The following VWA8 variants were observed in gnomAD, a reference collection of about 807,000 sequenced individuals.
VWA8 encodes the protein von Willebrand factor A domain-containing protein 8.
Under a neutral mutation model 241.5 loss-of-function variants are expected in VWA8, and 221 were observed. The ratio of observed to expected loss-of-function variants is 0.91; its 90% CI spans 0.82 to 1.02. The LOEUF is 1.02. Among genes scored for constraint, VWA8 ranks in the 50% least tolerant of loss-of-function variants. The pLI is 0.00. For missense variants in VWA8, 2,322 were observed against 2,328.7 expected, an observed-to-expected ratio of 1.00 and a Z score of 0.06; for synonymous variants, 852 against 827.1, an observed-to-expected ratio of 1.03 and a Z score of -0.52.
intron 17 of VWA8, among the ~76,000 whole-genome samples, chr13:41,790,510 C>G (rs1869409536): frequency 6.6e-6 from 1 of 151,952 alleles, no homozygotes; most frequent in Non-Finnish European, 1.5e-5. Flanking sequence ...ACTTCAATAT[C>G]AGAAACAGTT....
intron 41 of VWA8, among the ~76,000 whole-genome samples, chr13:41,588,557 C>CAAA (rs1566378168): frequency 6.6e-6 from 1 of 151,732 alleles, no homozygotes; most frequent in Admixed American, 6.6e-5. Flanking sequence ...CTCATCTCTA[C>CAAA]AAAAAAATAC....
At chr13:41,892,134 C>G (rs555743724) in intron 4 of VWA8, among the ~76,000 whole-genome samples, 1 of 152,124 alleles carries the variant, frequency 6.6e-6, no homozygotes, top group South Asian at 2.1e-4. Flanking sequence ...TTTACATTGG[C>G]CAATAGCAGA....
chr13:41,790,591 G>A (rs1301839710), intron 17 of VWA8, among the ~76,000 whole-genome samples: 1 of 151,908 alleles, frequency 6.6e-6, no homozygotes, highest in Non-Finnish European at 1.5e-5. Context: ...GCATAGAATT[G>A]AATTTTGAGG....
intron 22 of VWA8, 96 bp downstream of exon 22, chr13:41,731,983 TA>T: frequency 9.8e-7 from 1 of 1,015,514 alleles, no homozygotes; most frequent in Non-Finnish European, 1.5e-6. Context: ...GAAAACAGAC[TA>T]ATACGTAATC....
intron 17 of VWA8, among the ~76,000 whole-genome samples, chr13:41,796,657 C>T (rs976493284): frequency 1.3e-5 from 2 of 151,962 alleles, no homozygotes; most frequent in Admixed American, 1.3e-4. Context: ...TGAATTTATG[C>T]CGTTAACTTC....
intron 4 of VWA8, among the ~76,000 whole-genome samples, chr13:41,897,041 T>C (rs1363597828): frequency 6.6e-6 from 1 of 152,194 alleles, no homozygotes; most frequent in Non-Finnish European, 1.5e-5. Flanking sequence ...TAATTCAATA[T>C]GATGGACTTC....
At chr13:41,697,040 T>C (rs984300302) in intron 29 of VWA8, among the ~76,000 whole-genome samples, 1 of 152,230 alleles carries the variant, frequency 6.6e-6, no homozygotes, top group African/African-American at 2.4e-5. Context: ...GGATATTTAA[T>C]AGACATCTCA....
At chr13:41,787,621 C>CAT (rs1407789030) in intron 17 of VWA8, 78 bp from the exon 18 acceptor site, 4 of 774,964 alleles carry the variant, frequency 5.2e-6, no homozygotes, top group Non-Finnish European at 9.0e-6. Flanking sequence ...CACACACACA[C>CAT]ACACACACAC....
chr13:41,828,725 A>C (rs1252020914), intron 14 of VWA8, among the ~76,000 whole-genome samples: 1 of 152,168 alleles, frequency 6.6e-6, no homozygotes, highest in African/African-American at 2.4e-5. Flanking sequence ...TTATCCCTTA[A>C]GTATCTCAAC....
chr13:41,571,333 CCT>C (rs1491314814), intron 43 of VWA8, among the ~76,000 whole-genome samples: 2 of 141,736 alleles, frequency 1.4e-5, no homozygotes, highest in Non-Finnish European at 3.0e-5. Context: ...CTCCCGTCTC[CCT>C]CTCCCTCTCC....
At chr13:41,704,260 T>C (rs189767604) in intron 26 of VWA8, among the ~76,000 whole-genome samples, 17 of 152,254 alleles carry the variant, frequency 1.1e-4, no homozygotes, top group African/African-American at 3.1e-4. Flanking sequence ...CCCAAAGAGG[T>C]AGAGCATTAC....
Position 41,833,456 on chromosome 13 carries a change from G to T in VWA8, c.1501C>A (p.Leu501Ile). The change falls in exon 13 of 45, where the codon CTT (leucine) becomes ATT (isoleucine). Residue 501 changes from leucine to isoleucine, a missense_variant. Coordinates refer to ENST00000379310, the MANE Select transcript of VWA8 (RefSeq NM_015058.2). ...NGDTAWRSSPLVNAALEGKLV... is the reference protein window; with the variant it reads ...NGDTAWRSSPIVNAALEGKLV... ...TTGCCTTCCAGAGCAGCATTCACAA[G>T]GGGTGAGGACCGCCAGGCAGTGTCT... 6.2e-7 allele frequency: 1 copy of T among 1,614,040 alleles called. No individual in the cohort carries two copies. The highest frequency in any genetic ancestry group is 8.5e-7 in the Non-Finnish European group (1 of 1,179,986).
chr13:41,784,112 T>C (rs1869028037), intron 18 of VWA8, among the ~76,000 whole-genome samples: 1 of 150,350 alleles, frequency 6.7e-6, no homozygotes, highest in South Asian at 2.1e-4. Context: ...ACAATGTAGA[T>C]AGAAAACAGT....
chr13:41,881,888 G>C (rs1874230411), intron 9 of VWA8, among the ~76,000 whole-genome samples: 6 of 148,430 alleles, frequency 4.0e-5, no homozygotes, highest in Admixed American at 4.0e-4. Flanking sequence ...GGACGGGGCG[G>C]CTGGCCTGGC....
intron 14 of VWA8, among the ~76,000 whole-genome samples, chr13:41,824,868 A>AGGAGGGAAGGGGACC: frequency 6.9e-6 from 1 of 145,718 alleles, no homozygotes; most frequent in East Asian, 2.1e-4. Context: ...GGAAGGGGAG[A>AGGAGGGAAGGGGACC]GGAGGGAAGG....
At chr13:41,791,124 T>TA (rs1555335986) in intron 17 of VWA8, among the ~76,000 whole-genome samples, 2,159 of 151,410 alleles carry the variant, frequency 0.014, 45 homozygotes, top group African/African-American at 0.049. Flanking sequence ...GTTTTTTTTT[T>TA]AAAAAAACAA....
At chr13:41,906,443 A>T (rs1875723481) in intron 4 of VWA8, among the ~76,000 whole-genome samples, 2 of 152,128 alleles carry the variant, frequency 1.3e-5, no homozygotes, top group Admixed American at 6.5e-5. Flanking sequence ...TTTACCACAA[A>T]TGGGATCACA....
chr13:41,714,029 T>TA (rs2045333994), intron 26 of VWA8, among the ~76,000 whole-genome samples: 1 of 152,032 alleles, frequency 6.6e-6, no homozygotes, highest in Non-Finnish European at 1.5e-5. Flanking sequence ...AAATAACACA[T>TA]ACAGTCACAG....
chr13:41,814,993 T>C (rs569497214), intron 16 of VWA8, among the ~76,000 whole-genome samples: 93 of 152,080 alleles, frequency 6.1e-4, no homozygotes, highest in African/African-American at 2.0e-3. Context: ...GAAAGAGGGA[T>C]AGAAATAAAA....
Sources: gnomAD v4.1 joint callset for allele counts (sites outside exome capture counted in the v4.1 genomes callset) on GRCh38, gnomAD v4.1.1 for gene constraint, MANE v1.5 for transcripts, NCBI Gene and HGNC (gene_info 2026-07-23, HGNC 2026-07-21) for gene names.